The following CSF3R variants were observed in gnomAD, a reference collection of about 807,000 sequenced individuals.
The protein encoded by CSF3R is granulocyte colony-stimulating factor receptor.
CSF3R carries 52 observed loss-of-function variants against 84.4 expected under a neutral mutation model. That is an observed-to-expected ratio of 0.62 (90% CI 0.49 to 0.78). CSF3R has a LOEUF of 0.78. CSF3R is among the 30% of genes least tolerant of loss of function. The pLI is 0.00. For missense variants in CSF3R, 890 were observed against 1,055.7 expected, an observed-to-expected ratio of 0.84 and a Z score of 2.17; for synonymous variants, 384 against 429.1, an observed-to-expected ratio of 0.89 and a Z score of 1.30.
At position 36,473,636 on chromosome 1, in the gene CSF3R, A is replaced by C. The variant is rs201903505; in HGVS notation, c.486-14T>G. 95 of 1,613,938 alleles carry C rather than the reference A, an allele frequency of 5.9e-5. No homozygotes were observed. The African/African-American group carries it at 1.1e-3, about 19-fold the overall frequency. On this transcript the variant is annotated splice_polypyrimidine_tract_variant and intron_variant, in intron 5 of 16. Coordinates refer to ENST00000373106, the MANE Select transcript of CSF3R (RefSeq NM_000760.4). ...TTGCCCCGGCTCCTGCCAATAGTCC[A>C]GGCTTGGGTGCCAAGCAGAGGAAGA...
intron 4 of CSF3R, 126 bp downstream of exon 4, chr1:36,475,251 C>T (rs942166993): frequency 7.8e-5 from 92 of 1,186,776 alleles, no homozygotes; most frequent in Non-Finnish European, 1.1e-4. Context: ...AGGTGATCCG[C>T]CTGCCTCGGC....
chr1:36,482,335 C>G lies in CSF3R; in HGVS notation c.-81+476G>C, dbSNP rs3917912. On this transcript the variant is annotated intron_variant, in intron 1 of 16. Coordinates refer to ENST00000373106, the MANE Select transcript of CSF3R (RefSeq NM_000760.4). ...GGGGGGCACTCGGAGGCCTGGAGCC[C>G]GGGAAGCGTCTGTTACCGAGAGTTT... Among the ~76,000 whole-genome samples, 5 of 151,380 alleles carry G rather than the reference C, an allele frequency of 3.3e-5. No homozygotes were observed. The East Asian group carries it at 9.7e-4, about 29-fold the overall frequency.
At chr1:36,469,380 A>G (rs1183164539) in intron 11 of CSF3R, 123 bp from the exon 12 acceptor site, 1 of 825,568 alleles carries the variant, frequency 1.2e-6, no homozygotes, top group Non-Finnish European at 2.0e-6. Context: ...AACCTCCACA[A>G]TATCTTCTTT....
In CSF3R at chr1:36,467,695, G is replaced by C; in HGVS notation, c.1865-44C>G. 6.2e-7 allele frequency: 1 copy of C among 1,612,100 alleles called. No individual in the cohort carries two copies. Among genetic ancestry groups the C allele is most frequent in the Non-Finnish European group, 8.5e-7 (1 of 1,178,134 alleles). ...CGGAAGAAGTTAGAATGCATGTTGG[G>C]AAGGCTGGGTCTCCTCCCTCCGACC... is the stretch of plus-strand genomic sequence containing the variant. On this transcript the variant is annotated intron_variant, in intron 14 of 16. Coordinates refer to ENST00000373106, the MANE Select transcript of CSF3R (RefSeq NM_000760.4). This position sits in a 1 kb window ranked among gnomAD's most constrained non-coding sequence, Gnocchi z 4.1.
chr1:36,470,346 G>A (rs1650630101), intron 10 of CSF3R, among the ~76,000 whole-genome samples: 1 of 152,056 alleles, frequency 6.6e-6, no homozygotes, highest in African/African-American at 2.4e-5. Context: ...CACCATGCCC[G>A]GCTAATTTTT....
Position 36,475,286 on chromosome 1 carries a change from CGTGAGCCAACGTGCCCGGCTG to C in CSF3R, c.361+70_361+90del. 5 of 1,505,738 alleles carry C rather than the reference CGTGAGCCAACGTGCCCGGCTG, an allele frequency of 3.3e-6. No individual in the cohort carries two copies. In the Admixed American group the frequency reaches 8.3e-5, roughly 25 times the overall value. 93.3% of individuals were successfully genotyped at this position (1,505,738 alleles called of 1,614,324 possible). On this transcript the variant is annotated intron_variant, in intron 4 of 16. Transcript: ENST00000373106. ...CCTCCCAAAGTGCTGGGAATACAGG[CGTGAGCCAACGTGCCCGGCTG>C]GTAATATTCTTATTAGTATTGGCAG... is the stretch of plus-strand genomic sequence containing the variant.
At chr1:36,475,911 G>T in intron 3 of CSF3R, 1 of 511,368 alleles carries the variant, frequency 2.0e-6, no homozygotes, top group South Asian at 2.9e-5. Flanking sequence ...AGCAGACCCT[G>T]GTTTGTAGTG....
chr1:36,471,774 C>A (rs571613552), intron 9 of CSF3R, 128 bp from the exon 10 acceptor site: 2 of 925,664 alleles, frequency 2.2e-6, no homozygotes, highest in South Asian at 3.1e-5. Flanking sequence ...CTTCTCACCC[C>A]CCTCCCCTTT....
chr1:36,479,353 G>C (rs902260247), intron 3 of CSF3R, 80 bp downstream of exon 3: 22 of 1,344,342 alleles, frequency 1.6e-5, no homozygotes, highest in Non-Finnish European at 2.3e-5. Flanking sequence ...CAGGAGCCAT[G>C]TGGCAGTGCA....
At chr1:36,474,997 CT>C (rs370292260) in intron 4 of CSF3R, among the ~76,000 whole-genome samples, 4,557 of 147,432 alleles carry the variant, frequency 0.031, 188 homozygotes, top group African/African-American at 0.1. Flanking sequence ...AGGTAGTACT[CT>C]TTTTTTTTTT....
intron 12 of CSF3R, 169 bp downstream of exon 12, chr1:36,468,987 G>C: frequency 1.6e-6 from 1 of 627,442 alleles, no homozygotes; most frequent in South Asian, 1.8e-5. Flanking sequence ...CCTGATTTCT[G>C]TCCAGCTGTA....
At chr1:36,480,612 G>A (rs1292348882) in intron 2 of CSF3R, among the ~76,000 whole-genome samples, 2 of 152,206 alleles carry the variant, frequency 1.3e-5, no homozygotes, top group South Asian at 2.1e-4. Context: ...AGTGGGAATC[G>A]CTGGTCAGCT....
intron 5 of CSF3R, 40 bp downstream of exon 5, chr1:36,473,724 A>G: frequency 6.2e-7 from 1 of 1,614,050 alleles, no homozygotes. Flanking sequence ...CCTACCCCAG[A>G]ATCCAAAGGG....
In CSF3R at chr1:36,467,778, A is replaced by G; in HGVS notation, c.1864+44T>C. On this transcript the variant is annotated intron_variant, in intron 14 of 16. Coordinates refer to ENST00000373106, the MANE Select transcript of CSF3R (RefSeq NM_000760.4). This position sits in a 1 kb window ranked among gnomAD's most constrained non-coding sequence, Gnocchi z 4.1. ...AAAATCAGCATCCTTTGGGTGGGGT[A>G]CCCTCCAAACAGCCATCTCTGCCCA... 1.2e-6 allele frequency: 2 copies of G among 1,614,002 alleles called. No individual in the cohort carries two copies. The highest frequency in any genetic ancestry group is 1.7e-6 in the Non-Finnish European group (2 of 1,179,932).
intron 10 of CSF3R, among the ~76,000 whole-genome samples, chr1:36,470,308 C>T (rs1387076554): frequency 6.6e-6 from 1 of 152,204 alleles, no homozygotes; most frequent in Non-Finnish European, 1.5e-5. Context: ...CCGCAGCCTC[C>T]CGACTAGCTG....
At position 36,475,411 on chromosome 1, in the gene CSF3R, C is replaced by T. The variant is rs147594478; in HGVS notation, c.327G>A (p.Leu109=). The change falls in exon 4 of 17, where the codon CTG becomes CTA. Residue 109 remains leucine, a synonymous_variant. Transcript: ENST00000373106. ...LSCCLNWGNS[L]QILDQVELRA... ...GCAGCTCAACCTGGTCCAGGATCTG[C>T]AGGCTGTTGCCCCAGTTCAGGCAGC... is the stretch of plus-strand genomic sequence containing the variant. 5.6e-6 allele frequency: 9 copies of T among 1,613,998 alleles called. No homozygotes were observed. Among genetic ancestry groups the T allele is most frequent in the Non-Finnish European group, 7.6e-6 (9 of 1,180,040 alleles).
Position 36,467,150 on chromosome 1 carries a change from A to G in CSF3R, c.2040+80T>C. 6.8e-7 allele frequency: 1 copy of G among 1,479,502 alleles called. No homozygotes were observed. The highest frequency in any genetic ancestry group is 9.5e-7 in the Non-Finnish European group (1 of 1,058,002). 91.6% of individuals were successfully genotyped at this position (1,479,502 alleles called of 1,614,324 possible). ...CCGGAAGTGACAGGAAGGCCTGAGT[A>G]CTTGGCTTCAGAAGGTGTCCCTTCA... On this transcript the variant is annotated intron_variant, in intron 16 of 16. Coordinates refer to ENST00000373106, the MANE Select transcript of CSF3R (RefSeq NM_000760.4). This position sits in a 1 kb window ranked among gnomAD's most constrained non-coding sequence, Gnocchi z 4.1.
At chr1:36,480,272 A>G (rs1651440320) in intron 2 of CSF3R, among the ~76,000 whole-genome samples, 1 of 152,178 alleles carries the variant, frequency 6.6e-6, no homozygotes, top group Non-Finnish European at 1.5e-5. Flanking sequence ...AACTCTATGG[A>G]GCAGCTGAGG....
chr1:36,479,227 G>A (rs1651366845), intron 3 of CSF3R: 1 of 650,220 alleles, frequency 1.5e-6, no homozygotes, highest in Admixed American at 2.1e-5. Context: ...GACCAGCCCG[G>A]GTCGTCTCAC....
Sources: gnomAD v4.1 joint callset for allele counts (sites outside exome capture counted in the v4.1 genomes callset) on GRCh38, gnomAD v4.1.1 for gene constraint, Gnocchi (gnomAD v3.1) non-coding constraint, MANE v1.5 for transcripts, NCBI Gene and HGNC (gene_info 2026-07-23, HGNC 2026-07-21) for gene names.